The following ZCCHC2 variants were observed in gnomAD, a reference collection of about 807,000 sequenced individuals.
The protein encoded by ZCCHC2 is zinc finger CCHC domain-containing protein 2.
A neutral mutation model predicts 103.6 loss-of-function variants in ZCCHC2; 39 were observed. That is an observed-to-expected ratio of 0.38 (90% confidence interval 0.29 to 0.49). The LOEUF is 0.49. ZCCHC2 is among the 20% of genes least tolerant of loss of function. The probability of loss-of-function intolerance (pLI) is 0.96; values close to 1 mark genes in which losing one functional copy is unlikely to be tolerated. For missense variants in ZCCHC2, 1,483 were observed against 1,491.0 expected, an observed-to-expected ratio of 0.99 and a Z score of 0.09; for synonymous variants, 687 against 608.9, an observed-to-expected ratio of 1.13 and a Z score of -1.89.
chr18:62,531,234 T>G (rs1914659301), intron 1 of ZCCHC2, among the ~76,000 whole-genome samples: 1 of 152,134 alleles, frequency 6.6e-6, no homozygotes, highest in South Asian at 2.1e-4. Context: ...TGGGGTTCCT[T>G]TTTCTGTAAA....
intron 11 of ZCCHC2, among the ~76,000 whole-genome samples, chr18:62,567,119 C>G (rs1301433353): frequency 6.6e-6 from 1 of 152,176 alleles, no homozygotes; most frequent in Non-Finnish European, 1.5e-5. Flanking sequence ...TTTTGTACAG[C>G]TTGTCTTATT....
chr18:62,538,444 TA>T (rs1310791254), intron 1 of ZCCHC2, among the ~76,000 whole-genome samples: 2 of 152,144 alleles, frequency 1.3e-5, no homozygotes, highest in African/African-American at 4.8e-5. Flanking sequence ...CATTTTTTAA[TA>T]AAATATATGG....
chr18:62,542,056 G>T (rs1915214283), intron 2 of ZCCHC2, among the ~76,000 whole-genome samples: 2 of 151,940 alleles, frequency 1.3e-5, no homozygotes, highest in South Asian at 4.1e-4. Flanking sequence ...AAAATTAAAT[G>T]TAAAACTAGA....
intron 4 of ZCCHC2, among the ~76,000 whole-genome samples, chr18:62,546,035 T>C (rs1915392010): frequency 6.6e-6 from 1 of 152,222 alleles, no homozygotes; most frequent in South Asian, 2.1e-4. Flanking sequence ...TGGTTTATTA[T>C]AAATTAGGCT....
chr18:62,539,627 T>G (rs924645637), intron 1 of ZCCHC2, 54 bp from the exon 2 acceptor site: 1 of 1,456,684 alleles, frequency 6.9e-7, no homozygotes, highest in Non-Finnish European at 9.4e-7. Context: ...AAATCTGTGA[T>G]TATTACTCTT....
intron 11 of ZCCHC2, among the ~76,000 whole-genome samples, chr18:62,566,705 CAGTT>C (rs1299951843): frequency 2.6e-5 from 4 of 152,184 alleles, no homozygotes; most frequent in East Asian, 1.9e-4. Context: ...TGGTCAGAGA[CAGTT>C]AGGGTTTGAG....
Position 62,574,387 on chromosome 18 carries a change from C to T in ZCCHC2, c.2306C>T (p.Pro769Leu), listed in dbSNP as rs1916721977. ...ATAAGGGAGTCTGCAAATTCAACCC[C>T]TGTTGGAATACTAGGGCCAACAGCT... ...SAIRESANST[P>L]VGILGPTACT... The change falls in exon 13 of 14, where the codon CCT becomes CTT. Residue 769 changes from proline to leucine, a missense_variant. Physicochemically the swap from Pro to Leu is moderately conservative, Grantham distance 98. Around this residue, in one of 3 missense-constraint regions of ZCCHC2, gnomAD observed 884 missense variants for 907.5 expected, o/e 0.97. Coordinates refer to ENST00000269499, the MANE Select transcript of ZCCHC2 (RefSeq NM_017742.6). The T allele has an allele frequency of 1.9e-6, 3 of 1,614,016 alleles. No individual in the cohort carries two copies. The highest frequency in any genetic ancestry group is 2.5e-6 in the Non-Finnish European group (3 of 1,179,892).
At chr18:62,569,257 C>T (rs1414693503) in intron 11 of ZCCHC2, among the ~76,000 whole-genome samples, 1 of 152,202 alleles carries the variant, frequency 6.6e-6, no homozygotes, top group East Asian at 1.9e-4. Context: ...GCTCATTATA[C>T]AAATTGTGCC....
In ZCCHC2 at chr18:62,539,729, A is replaced by T; in HGVS notation, c.988A>T (p.Ile330Leu). ...CATGCAAAATAACGAGAGCAGCTTA[A>T]TAGAGCAAGCTCCAATACCTCAGGA... ...DYMQNNESSL[I>L]EQAPIPQDGL... The change falls in exon 2 of 14, where the codon ATA becomes TTA. Residue 330 changes from isoleucine (I) to leucine (L), a missense_variant. Coordinates refer to ENST00000269499, the MANE Select transcript of ZCCHC2 (RefSeq NM_017742.6). 1 of 1,607,020 alleles carries T rather than the reference A, an allele frequency of 6.2e-7. No individual in the cohort carries two copies. Among genetic ancestry groups the T allele is most frequent in the Non-Finnish European group, 8.5e-7 (1 of 1,176,666 alleles).
At chr18:62,529,159 CAAAAAAAAAAAA>C (rs67299838) in intron 1 of ZCCHC2, among the ~76,000 whole-genome samples, 1 of 67,550 alleles carries the variant, frequency 1.5e-5, no homozygotes, top group Non-Finnish European at 2.8e-5. Context: ...GACAACGTCT[CAAAAAAAAAAAA>C]AAAAAAAAAA....
chr18:62,550,920 G>C (rs943484867), intron 5 of ZCCHC2, among the ~76,000 whole-genome samples: 2 of 152,134 alleles, frequency 1.3e-5, no homozygotes, highest in African/African-American at 4.8e-5. Flanking sequence ...TTTTGCCCTC[G>C]TAAGGTTGTT....
chr18:62,544,516 CAT>C (rs1915330950), intron 3 of ZCCHC2, among the ~76,000 whole-genome samples: 1 of 152,132 alleles, frequency 6.6e-6, no homozygotes, highest in African/African-American at 2.4e-5. Flanking sequence ...TAGAAAATAA[CAT>C]ATATCCCCTT....
intron 2 of ZCCHC2, among the ~76,000 whole-genome samples, chr18:62,542,104 A>G (rs527316964): frequency 1.3e-5 from 2 of 152,332 alleles, no homozygotes; most frequent in South Asian, 2.1e-4. Flanking sequence ...TTAATAATTG[A>G]AAGAACCATA....
chr18:62,531,045 A>G (rs1045918900), intron 1 of ZCCHC2, among the ~76,000 whole-genome samples: 4 of 152,092 alleles, frequency 2.6e-5, no homozygotes, highest in Admixed American at 6.5e-5. Context: ...TTCTCTTGAG[A>G]AATGTTAAGC....
intron 1 of ZCCHC2, among the ~76,000 whole-genome samples, chr18:62,538,434 C>T (rs747194924): frequency 2.0e-5 from 3 of 152,036 alleles, no homozygotes; most frequent in Non-Finnish European, 2.9e-5. Context: ...TGTGGTTTTA[C>T]ATTTTTTAAT....
intron 7 of ZCCHC2, among the ~76,000 whole-genome samples, chr18:62,559,232 A>T (rs1482437769): frequency 1.3e-5 from 2 of 152,232 alleles, no homozygotes; most frequent in Non-Finnish European, 2.9e-5. Flanking sequence ...GACCATCCAT[A>T]GATTGAGAGA....
chr18:62,571,865 G>T (rs1039431601), intron 12 of ZCCHC2, among the ~76,000 whole-genome samples: 4 of 143,808 alleles, frequency 2.8e-5, no homozygotes, highest in Non-Finnish European at 6.0e-5. Flanking sequence ...GGGAGCTATG[G>T]TATAGAGTGT....
chr18:62,542,810 G>A (rs1489280186), intron 3 of ZCCHC2, among the ~76,000 whole-genome samples: 1 of 152,026 alleles, frequency 6.6e-6, no homozygotes, highest in Admixed American at 6.5e-5. Flanking sequence ...TTAGATTTAG[G>A]GACGCAATTA....
chr18:62,554,586 T>C (rs1915802954), intron 5 of ZCCHC2, among the ~76,000 whole-genome samples: 1 of 152,250 alleles, frequency 6.6e-6, no homozygotes, highest in Non-Finnish European at 1.5e-5. Context: ...GTGGTTTAAA[T>C]GTAATACTCA....
Sources: gnomAD v4.1 joint callset for allele counts (sites outside exome capture counted in the v4.1 genomes callset) on GRCh38, gnomAD v4.1.1 for gene constraint, gnomAD v4.1.1 regional missense constraint, MANE v1.5 for transcripts, NCBI Gene and HGNC (gene_info 2026-07-23, HGNC 2026-07-21) for gene names.